The following TBCK variants were observed in gnomAD, a reference collection of about 807,000 sequenced individuals.
TBCK encodes TBC domain-containing protein kinase-like protein.
A neutral mutation model predicts 113.4 loss-of-function variants in TBCK; 99 were observed. The ratio of observed to expected loss-of-function variants is 0.87; its 90% CI spans 0.74 to 1.03. TBCK has a LOEUF of 1.03. TBCK is among the 50% of genes least tolerant of loss of function. The pLI is 0.00. For missense variants in TBCK, 1,045 were observed against 1,061.3 expected, an observed-to-expected ratio of 0.98 and a Z score of 0.21; for synonymous variants, 369 against 370.8, an observed-to-expected ratio of 1.00 and a Z score of 0.05.
intron 19 of TBCK, among the ~76,000 whole-genome samples, chr4:106,223,465 A>G (rs886090542): frequency 2.6e-5 from 4 of 152,128 alleles, no homozygotes; most frequent in African/African-American, 4.8e-5. Flanking sequence ...AGCATCTGGT[A>G]CAGTGCCCCT....
rs1734026206 is a variant in TBCK, at chr4:106,044,311, T to C, written c.*2259A>G. 2 of 152,056 alleles carry C rather than the reference T, an allele frequency of 1.3e-5. No homozygotes were observed. Among genetic ancestry groups the C allele is most frequent in the African/African-American group, 4.8e-5 (2 of 41,382 alleles). The allele number at this position is 152,056 out of a possible 1,614,324, so 9.4% of individuals were successfully genotyped here. On this transcript the variant is annotated 3_prime_UTR_variant, in exon 26 of 26. Transcript: ENST00000394708. The stretch of plus-strand genomic sequence containing the variant: ...GTCATCAAAGACTGAAGGAAGAAAA[T>C]AGTAATTGCCAGGACAGGAGGATTT...
Position 106,194,707 on chromosome 4 carries a change from G to A in TBCK, c.1897+11C>T, listed in dbSNP as rs1297661124. ...TACAATATCAAAAAAACCGGGGGAA[G>A]TCATACTTACGAGTAAACATGGTAA... On this transcript the variant is annotated intron_variant, in intron 21 of 25. Transcript: ENST00000394708. 6.3e-7 allele frequency: 1 copy of A among 1,592,980 alleles called. No individual in the cohort carries two copies. Among genetic ancestry groups the A allele is most frequent in the Non-Finnish European group, 8.5e-7 (1 of 1,172,060 alleles).
intron 3 of TBCK, among the ~76,000 whole-genome samples, chr4:106,267,387 T>C (rs897818066): frequency 1.3e-5 from 2 of 151,954 alleles, no homozygotes; most frequent in African/African-American, 4.8e-5. Flanking sequence ...TACTGAATTT[T>C]TGGGCCCACA....
intron 23 of TBCK, among the ~76,000 whole-genome samples, chr4:106,153,348 C>T (rs1299079446): frequency 6.6e-6 from 1 of 151,952 alleles, no homozygotes; most frequent in East Asian, 1.9e-4. Flanking sequence ...TGTTTAATTT[C>T]CATGTGTTTG....
intron 23 of TBCK, among the ~76,000 whole-genome samples, chr4:106,127,400 C>T (rs534595314): frequency 4.6e-5 from 7 of 152,010 alleles, no homozygotes; most frequent in South Asian, 4.2e-4. Flanking sequence ...GGACTGAGTG[C>T]GTGCATGTGT....
chr4:106,171,597 C>G (rs565572888), intron 22 of TBCK, among the ~76,000 whole-genome samples: 6 of 151,478 alleles, frequency 4.0e-5, no homozygotes, highest in Admixed American at 3.3e-4. Context: ...TAGAACACAT[C>G]TCCTTATTTA....
At chr4:106,072,657 G>T (rs900548748) in intron 25 of TBCK, among the ~76,000 whole-genome samples, 1 of 152,114 alleles carries the variant, frequency 6.6e-6, no homozygotes, top group Non-Finnish European at 1.5e-5. Flanking sequence ...TGCTAGGTTG[G>T]GGAAGTTCTC....
At chr4:106,235,498 G>T in intron 14 of TBCK, 131 bp from the exon 15 acceptor site, 1 of 506,808 alleles carries the variant, frequency 2.0e-6, no homozygotes. Context: ...TGCAATTATT[G>T]TGTCTGGTGT....
intron 2 of TBCK, 130 bp from the exon 3 acceptor site, chr4:106,295,296 T>C (rs1766179498): frequency 1.7e-6 from 1 of 579,544 alleles, no homozygotes; most frequent in African/African-American, 1.9e-5. Context: ...TTTCAAACTC[T>C]ATATTAACTA....
intron 23 of TBCK, among the ~76,000 whole-genome samples, chr4:106,153,544 T>C (rs1182317708): frequency 6.6e-6 from 1 of 152,162 alleles, no homozygotes; most frequent in Non-Finnish European, 1.5e-5. Context: ...ATATGTATTC[T>C]GTGGCTGTTG....
intron 23 of TBCK, among the ~76,000 whole-genome samples, chr4:106,152,242 C>T (rs541406343): frequency 5.9e-4 from 90 of 151,900 alleles, no homozygotes; most frequent in African/African-American, 1.8e-3. Context: ...TTTTATTGTC[C>T]TGAGGTATGT....
intron 19 of TBCK, among the ~76,000 whole-genome samples, chr4:106,219,771 T>C (rs183703091): frequency 7.5e-4 from 114 of 152,196 alleles, no homozygotes; most frequent in African/African-American, 2.7e-3. Flanking sequence ...ACTCCTGGGC[T>C]CAAGCAATCC....
chr4:106,046,860 C>T (rs1355776033), intron 25 of TBCK, among the ~76,000 whole-genome samples, 180 bp from the exon 26 acceptor site: 1 of 152,136 alleles, frequency 6.6e-6, no homozygotes, highest in African/African-American at 2.4e-5. Flanking sequence ...TATGCTGACG[C>T]TGACAATTTC....
intron 2 of TBCK, among the ~76,000 whole-genome samples, chr4:106,307,625 A>C (rs1261772146): frequency 6.6e-6 from 1 of 152,142 alleles, no homozygotes; most frequent in East Asian, 1.9e-4. Context: ...ATAGGGAAAA[A>C]GTTGAATATC....
intron 2 of TBCK, among the ~76,000 whole-genome samples, chr4:106,307,604 T>A (rs543924040): frequency 6.6e-6 from 1 of 152,262 alleles, no homozygotes; most frequent in South Asian, 2.1e-4. Context: ...ACACATAAAA[T>A]TGCCACTTTT....
chr4:106,081,215 T>C (rs748101197), intron 25 of TBCK, among the ~76,000 whole-genome samples: 4 of 152,154 alleles, frequency 2.6e-5, no homozygotes, highest in Admixed American at 6.5e-5. Flanking sequence ...CATTCTGTTA[T>C]AAAGATACAT....
In TBCK at chr4:106,117,870, G is replaced by A. The variant is rs191993606; in HGVS notation, c.2236-1492C>T. Among the ~76,000 whole-genome samples, 770 of 152,040 alleles carry A rather than the reference G, an allele frequency of 5.1e-3. 4 individuals are homozygous for A. The highest frequency in any genetic ancestry group is 0.018 in the African/African-American group (739 of 41,488). ...TAAAAATACAAAAAATTAGCCGGGC[G>A]TGGCAGTGGGCGCCTGTAGTCCCAG... On this transcript the variant is annotated intron_variant, in intron 23 of 25. Transcript: ENST00000394708.
chr4:106,124,506 T>C (rs1327349294), intron 23 of TBCK, among the ~76,000 whole-genome samples: 1 of 152,186 alleles, frequency 6.6e-6, no homozygotes, highest in Non-Finnish European at 1.5e-5. Context: ...ACTGGGTATA[T>C]ACCCAAAGGA....
intron 18 of TBCK, among the ~76,000 whole-genome samples, chr4:106,230,925 T>C (rs1395162739): frequency 4.6e-5 from 7 of 151,796 alleles, no homozygotes; most frequent in African/African-American, 1.7e-4. Flanking sequence ...CTAAACATAG[T>C]AAAAAACTCT....
Sources: gnomAD v4.1 joint callset for allele counts (sites outside exome capture counted in the v4.1 genomes callset) on GRCh38, gnomAD v4.1.1 for gene constraint, MANE v1.5 for transcripts, NCBI Gene and HGNC (gene_info 2026-07-23, HGNC 2026-07-21) for gene names.